Variants in ZRANB3 observed in about 807,000 individuals in gnomAD.
ZRANB3 encodes zinc finger RANBP2-type containing 3.
Under a neutral mutation model 133.8 loss-of-function variants are expected in ZRANB3, and 125 were observed. The ratio of observed to expected loss-of-function variants is 0.93; its 90% confidence interval spans 0.81 to 1.08. ZRANB3 has a LOEUF of 1.08. Ranked by LOEUF, ZRANB3 falls within the 50% of genes least tolerant of loss-of-function variation. ZRANB3 has a pLI of 0.00. For synonymous variants in ZRANB3, 387 were observed against 432.7 expected (o/e 0.89, Z 1.31); for missense variants, 1,229 against 1,275.5 (o/e 0.96, Z 0.56).
chr2:135,415,860 A>T (rs1558984602), intron 2 of ZRANB3, among the ~76,000 whole-genome samples: 1 of 152,200 alleles, frequency 6.6e-6, no homozygotes, highest in Non-Finnish European at 1.5e-5. Context: ...CAAAAACCAC[A>T]TGATTATCTT....
chr2:135,511,749 C>G, intron 1 of ZRANB3: 1 of 764,518 alleles, frequency 1.3e-6, no homozygotes, highest in Non-Finnish European at 2.4e-6. Flanking sequence ...TTCGTGACAT[C>G]ACTTTCCTGT....
chr2:135,361,386 G>A (rs1397740143), intron 3 of ZRANB3, among the ~76,000 whole-genome samples: 1 of 152,110 alleles, frequency 6.6e-6, no homozygotes, highest in Non-Finnish European at 1.5e-5. Context: ...TTTCAAAATT[G>A]TAAATCACCA....
intron 3 of ZRANB3, among the ~76,000 whole-genome samples, chr2:135,384,268 C>G (rs1686859016): frequency 6.6e-6 from 1 of 152,186 alleles, no homozygotes; most frequent in African/African-American, 2.4e-5. Flanking sequence ...TTCCTTGACA[C>G]ATACACTCTC....
chr2:135,320,287 A>T (rs958142429), intron 6 of ZRANB3, among the ~76,000 whole-genome samples: 5 of 152,250 alleles, frequency 3.3e-5, no homozygotes, highest in African/African-American at 1.2e-4. Flanking sequence ...TAAATGCATT[A>T]TCAAAGAGGT....
intron 8 of ZRANB3, among the ~76,000 whole-genome samples, chr2:135,291,780 G>A (rs1265993203): frequency 6.9e-6 from 1 of 145,782 alleles, no homozygotes; most frequent in African/African-American, 2.5e-5. Flanking sequence ...AGTGTGTGAT[G>A]TTCCCCTTCC....
intron 8 of ZRANB3, among the ~76,000 whole-genome samples, chr2:135,288,442 C>A (rs1681503745): frequency 6.6e-6 from 1 of 152,080 alleles, no homozygotes; most frequent in African/African-American, 2.4e-5. Flanking sequence ...GTGATACTGC[C>A]TTCATATAAT....
chr2:135,498,440 C>T (rs1449592903), intron 2 of ZRANB3, among the ~76,000 whole-genome samples: 2 of 152,164 alleles, frequency 1.3e-5, no homozygotes, highest in Non-Finnish European at 2.9e-5. Flanking sequence ...TCTTGTGATG[C>T]CTGTCTTTAA....
At position 135,385,000 on chromosome 2, in the gene ZRANB3, A is replaced by G. The variant is rs577539244; in HGVS notation, c.180+5802T>C. Among the ~76,000 whole-genome samples the G allele has an allele frequency of 2.0e-4, 31 of 152,238 alleles. No homozygotes were observed. The South Asian group carries it at 5.6e-3, about 28-fold the overall frequency. On this transcript the variant is annotated intron_variant, in intron 3 of 20. Coordinates refer to ENST00000264159, the MANE Select transcript of ZRANB3 (RefSeq NM_032143.4). ...TGTTGGAAGTTCTGGCCAGGGCAAT[A>G]AGGCAGGAGAAAGAAATAAAGGGTA...
chr2:135,425,708 G>T (rs181153605), intron 2 of ZRANB3, among the ~76,000 whole-genome samples: 2 of 152,210 alleles, frequency 1.3e-5, no homozygotes, highest in Admixed American at 1.3e-4. Flanking sequence ...TAAGAGGGAA[G>T]TTTACAGTGC....
chr2:135,528,152 T>G (rs537933617), intron 1 of ZRANB3, among the ~76,000 whole-genome samples: 4 of 152,070 alleles, frequency 2.6e-5, no homozygotes, highest in Non-Finnish European at 5.9e-5. Context: ...TTTTTTTTTT[T>G]TTTGTGGTTT....
In ZRANB3 at chr2:135,443,329, A is replaced by G. The variant is rs1000341492; in HGVS notation, c.162-52509T>C. 5.5e-5 allele frequency among the ~76,000 whole-genome samples: 8 copies of G among 145,260 alleles called. No individual in the cohort carries two copies. In the East Asian group the frequency reaches 1.8e-3, roughly 32 times the overall value. Reference sequence around the variant, plus strand: ...CATAAGTGGCAGTTGAACAATGAGAATACACGGACAATGGGAGTGTCGGGG... The same window carrying G: ...CATAAGTGGCAGTTGAACAATGAGAGTACACGGACAATGGGAGTGTCGGGG... On this transcript the variant is annotated intron_variant, in intron 2 of 20. Transcript: ENST00000264159.
At chr2:135,417,488 T>C (rs1688641631) in intron 2 of ZRANB3, among the ~76,000 whole-genome samples, 1 of 152,012 alleles carries the variant, frequency 6.6e-6, no homozygotes, top group Non-Finnish European at 1.5e-5. Flanking sequence ...TGTGGAGAAA[T>C]AGGAACACTT....
intron 2 of ZRANB3, among the ~76,000 whole-genome samples, chr2:135,427,385 G>T (rs1689138366): frequency 6.6e-6 from 1 of 152,032 alleles, no homozygotes; most frequent in Non-Finnish European, 1.5e-5. Context: ...CAAAATCAAT[G>T]TACAAAAATC....
chr2:135,514,951 T>C (rs140794752), intron 1 of ZRANB3, among the ~76,000 whole-genome samples: 244 of 152,318 alleles, frequency 1.6e-3, no homozygotes, highest in African/African-American at 5.6e-3. Context: ...CTGATTTGCA[T>C]ATGTTGAACC....
intron 2 of ZRANB3, among the ~76,000 whole-genome samples, chr2:135,425,872 GA>G (rs919760833): frequency 2.0e-5 from 3 of 147,652 alleles, no homozygotes; most frequent in Non-Finnish European, 3.0e-5. Context: ...ATTGAGATAC[GA>G]AAAAAAAACC....
At chr2:135,459,875 A>C (rs986871605) in intron 2 of ZRANB3, among the ~76,000 whole-genome samples, 5 of 152,180 alleles carry the variant, frequency 3.3e-5, no homozygotes, top group Non-Finnish European at 5.9e-5. Context: ...AAATAGAAAA[A>C]TTTCAAGTAA....
At position 135,313,513 on chromosome 2, in the gene ZRANB3, C is replaced by T. The variant is rs1278165102; in HGVS notation, c.942G>A (p.Met314Ile). 3 of 1,612,878 alleles carry T rather than the reference C, an allele frequency of 1.9e-6. No individual in the cohort carries two copies. The highest frequency in any genetic ancestry group is 2.5e-6 in the Non-Finnish European group (3 of 1,179,492). Residue 314 changes from methionine to isoleucine, a missense_variant, in exon 8 of 21, where the codon ATG (methionine) becomes ATA (isoleucine). Transcript: ENST00000264159. ...CCTTGGCAATAGCAGTTTGTTTAAA[C>T]ATGCGAGTTATCAACCCCATGACTG... ...METVMGLITR[M>I]FKQTAIAKAG... is the part of the protein sequence containing the mutation.
chr2:135,202,580 T>C, intron 20 of ZRANB3: 1 of 327,584 alleles, frequency 3.1e-6, no homozygotes, highest in Non-Finnish European at 5.7e-6. Flanking sequence ...ATATGTAAAC[T>C]GTATTCATTT....
intron 20 of ZRANB3, among the ~76,000 whole-genome samples, chr2:135,200,760 T>G (rs1296572119): frequency 3.3e-5 from 5 of 151,194 alleles, no homozygotes; most frequent in Admixed American, 6.6e-5. Flanking sequence ...GAGGTTTTTT[T>G]TTTTTTTTTT....
Sources: gnomAD v4.1 joint callset for allele counts (sites outside exome capture counted in the v4.1 genomes callset) on GRCh38, gnomAD v4.1.1 for gene constraint, MANE v1.5 for transcripts, NCBI Gene and HGNC (gene_info 2026-07-23, HGNC 2026-07-21) for gene names.